Variants in UGGT1 observed in about 807,000 individuals in gnomAD.
UGGT1 encodes UDP-glucose glycoprotein glucosyltransferase 1.
Under a neutral mutation model 203.9 loss-of-function variants are expected in UGGT1, and 107 were observed. The ratio of observed to expected loss-of-function variants is 0.52; its 90% CI spans 0.45 to 0.62. The LOEUF is 0.62. UGGT1 is among the 20% of genes least tolerant of loss of function. The pLI is 0.00. For missense variants in UGGT1, 1,673 were observed against 1,867.2 expected (o/e 0.90, Z 1.92); for synonymous variants, 628 against 653.5 (o/e 0.96, Z 0.59).
intron 30 of UGGT1, 143 bp from the exon 31 acceptor site, chr2:128,174,630 G>T (rs958691996): frequency 3.5e-5 from 27 of 766,966 alleles, no homozygotes; most frequent in Middle Eastern, 3.3e-4. Flanking sequence ...TGTAGTTTTG[G>T]TTTTTTAAGA....
rs557319821 is a variant in UGGT1 at position 128,151,889 on chromosome 2, A to AG, written c.2017-895_2017-894insG. 3.6e-3 allele frequency among the ~76,000 whole-genome samples: 547 copies of AG among 152,344 alleles called. 2 individuals are homozygous for AG. Among genetic ancestry groups the AG allele is most frequent in the African/African-American group, 0.013 (522 of 41,570 alleles). Reference sequence around the variant, plus strand: ...AAGACCTTGTCTCAAAGGAAAAAAAAAGAAAATGACTTTAAAGTATACCTG... The same window carrying AG: ...AAGACCTTGTCTCAAAGGAAAAAAAAGAGAAAATGACTTTAAAGTATACCTG... On this transcript the variant is annotated intron_variant, in intron 18 of 40. Transcript: ENST00000259253.
At chr2:128,117,970 GTGTGTGTC>G (rs139914746) in intron 8 of UGGT1, among the ~76,000 whole-genome samples, 21,411 of 115,604 alleles carry the variant, frequency 0.19, 1,631 homozygotes, top group African/African-American at 0.23. Context: ...TTGTGTGTGT[GTGTGTGTC>G]TGTGTGTGTG....
At chr2:128,121,348 A>G in intron 10 of UGGT1, 50 bp downstream of exon 10, 6 of 1,312,124 alleles carry the variant, frequency 4.6e-6, no homozygotes, top group Non-Finnish European at 6.3e-6. Flanking sequence ...AGTCATCGTC[A>G]TGTTCACTTG....
intron 2 of UGGT1, among the ~76,000 whole-genome samples, chr2:128,099,957 C>A (rs1687289653): frequency 6.7e-6 from 1 of 148,848 alleles, no homozygotes; most frequent in South Asian, 2.1e-4. Context: ...TTTTCTTTTC[C>A]TTTTTGCTAA....
At chr2:128,168,475 G>A (rs1382626168) in intron 26 of UGGT1, among the ~76,000 whole-genome samples, 5 of 152,110 alleles carry the variant, frequency 3.3e-5, no homozygotes, top group African/African-American at 1.2e-4. Context: ...ATGCTGTTTT[G>A]TGGTATTCTT....
intron 25 of UGGT1, 114 bp from the exon 26 acceptor site, chr2:128,164,616 C>G (rs1176148920): frequency 1.3e-5 from 11 of 832,174 alleles, no homozygotes; most frequent in Admixed American, 1.2e-4. Flanking sequence ...GGACTTTATA[C>G]CTTGTTCAAA....
In UGGT1 at chr2:128,169,333, TG is replaced by T. The variant is rs753365007; in HGVS notation, c.2922-954del. Among the ~76,000 whole-genome samples the T allele has an allele frequency of 3.9e-4, 59 of 152,248 alleles. 1 individual carries two copies. The highest frequency in any genetic ancestry group is 1.9e-3 in the South Asian group (9 of 4,826). On this transcript the variant is annotated intron_variant, in intron 26 of 40. Coordinates refer to ENST00000259253, the MANE Select transcript of UGGT1 (RefSeq NM_020120.4). ...CTTCAGTGAACCATGATCACGCCAC[TG>T]CACTCCAGCCTGGGCCACAGAGTGA...
At chr2:128,115,054 G>A in intron 6 of UGGT1, 70 bp from the exon 7 acceptor site, 2 of 1,381,560 alleles carry the variant, frequency 1.4e-6, no homozygotes, top group Non-Finnish European at 2.1e-6. Flanking sequence ...ACATTAACAT[G>A]GTCATGCCAT....
chr2:128,123,795 C>T (rs1390848210), intron 11 of UGGT1, among the ~76,000 whole-genome samples: 4 of 152,156 alleles, frequency 2.6e-5, no homozygotes, highest in Non-Finnish European at 5.9e-5. Flanking sequence ...TGAGACCTTC[C>T]TTTAACCTCC....
At chr2:128,154,184 C>T (rs377566327) in intron 19 of UGGT1, among the ~76,000 whole-genome samples, 4 of 152,096 alleles carry the variant, frequency 2.6e-5, no homozygotes, top group East Asian at 3.8e-4. Context: ...TCTTCACAGC[C>T]GGGTTTTCCT....
Position 128,186,771 on chromosome 2 carries a change from C to CT in UGGT1, c.4449dup (p.Lys1484Ter). 1 of 1,612,974 alleles carries CT rather than the reference C, an allele frequency of 6.2e-7. No individual in the cohort carries two copies. Among genetic ancestry groups the CT allele is most frequent in the Non-Finnish European group, 8.5e-7 (1 of 1,179,416 alleles). ...TGTGAAACGTGGTGTGATGACGCCT[C>CT]TAAGAAAAGGGCAAAAACCATTGAT... On this transcript the variant is annotated frameshift_variant, in exon 39 of 41. Transcript: ENST00000259253. LOFTEE classifies it high-confidence loss of function.
chr2:128,181,931 T>G (rs1691709203), intron 36 of UGGT1, among the ~76,000 whole-genome samples, 199 bp from the exon 37 acceptor site: 1 of 152,200 alleles, frequency 6.6e-6, no homozygotes, highest in Non-Finnish European at 1.5e-5. Flanking sequence ...CCACACACCT[T>G]GCTAAGAAGT....
rs1022656269 is a variant in UGGT1, at chr2:128,155,707, C to T, written c.2236+120C>T. ...AGAGACTTCATAATTTTTCTTATTT[C>T]TTATAAAGCTTTGAGTCTAGAACAT... On this transcript the variant is annotated intron_variant, in intron 20 of 40. Transcript: ENST00000259253. The T allele has an allele frequency of 8.7e-6, 6 of 687,640 alleles. No homozygotes were observed. In the African/African-American group the frequency reaches 1.1e-4, roughly 13 times the overall value. 42.6% of individuals were successfully genotyped at this position (687,640 alleles called of 1,614,324 possible). A position where few individuals can be genotyped will look rare whatever the true frequency, so the allele number is the denominator to read the frequency against.
At chr2:128,110,834 C>T (rs140033357) in intron 5 of UGGT1, among the ~76,000 whole-genome samples, 5 of 152,200 alleles carry the variant, frequency 3.3e-5, no homozygotes, top group East Asian at 1.9e-4. Context: ...AAGACTGTCC[C>T]GTAATTGGTA....
intron 31 of UGGT1, among the ~76,000 whole-genome samples, chr2:128,175,936 T>G (rs922945694): frequency 3.3e-5 from 5 of 152,254 alleles, no homozygotes; most frequent in African/African-American, 1.2e-4. Flanking sequence ...TTGCTGTTGA[T>G]TAGTAGGGAA....
chr2:128,142,907 G>A (rs989452519), intron 16 of UGGT1, among the ~76,000 whole-genome samples, 187 bp from the exon 17 acceptor site: 19 of 151,466 alleles, frequency 1.3e-4, no homozygotes, highest in African/African-American at 4.1e-4. Flanking sequence ...CACGAATCCG[G>A]AAGGCGGAGG....
In UGGT1 at chr2:128,152,991, A is replaced by C. The variant is rs557123050; in HGVS notation, c.2137+87A>C. ...TTTTTCAGATTTTAATATTCTGATT[A>C]TCTTCTGCAGTGTTCAGAAGATAGC... is the stretch of plus-strand genomic sequence containing the variant. On this transcript the variant is annotated intron_variant, in intron 19 of 40. Coordinates refer to ENST00000259253, the MANE Select transcript of UGGT1 (RefSeq NM_020120.4). 24 of 1,587,506 alleles carry C rather than the reference A, an allele frequency of 1.5e-5. 1 individual carries two copies. In the East Asian group the frequency reaches 1.8e-4, roughly 12 times the overall value.
In UGGT1 at chr2:128,171,201, C is replaced by T. The variant is rs183413000; in HGVS notation, c.3025-4C>T. ...AATATTTTGTCATCTGGTTTTCCTT[C>T]TAGGTTTTGGCTCAGCTGATAAACA... is the stretch of plus-strand genomic sequence containing the variant. On this transcript the variant is annotated splice_polypyrimidine_tract_variant and splice_region_variant and intron_variant, in intron 27 of 40. Transcript: ENST00000259253. 9.3e-4 allele frequency: 1,500 copies of T among 1,604,834 alleles called. 5 individuals are homozygous for T. The highest frequency in any genetic ancestry group is 6.5e-3 in the Middle Eastern group (39 of 5,992).
Position 128,169,048 on chromosome 2 carries a change from T to TAAAAAAAA in UGGT1, c.2922-1204_2922-1197dup, listed in dbSNP as rs544381740. The stretch of plus-strand genomic sequence containing the variant: ...GGGTGAATGAGCGAGACTCTGTCTT[T>TAAAAAAAA]AAAAAAAAAAAAAAAAAAAAAAAAA... On this transcript the variant is annotated intron_variant, in intron 26 of 40. Coordinates refer to ENST00000259253, the MANE Select transcript of UGGT1 (RefSeq NM_020120.4). Among the ~76,000 whole-genome samples, 44 of 52,552 alleles carry TAAAAAAAA rather than the reference T, an allele frequency of 8.4e-4. 1 individual carries two copies. Among genetic ancestry groups the TAAAAAAAA allele is most frequent in the East Asian group, 2.4e-3 (4 of 1,676 alleles). The allele number at this position is 52,552 out of a possible 152,430, so 34.5% of individuals were successfully genotyped here.
Sources: gnomAD v4.1 joint callset for allele counts (sites outside exome capture counted in the v4.1 genomes callset) on GRCh38, gnomAD v4.1.1 for gene constraint, MANE v1.5 for transcripts, NCBI Gene and HGNC (gene_info 2026-07-23, HGNC 2026-07-21) for gene names.